MYO18A: variants seen among roughly 807,000 people sequenced by gnomAD.
MYO18A encodes the protein myosin XVIIIA.
Under a neutral mutation model 235.8 loss-of-function variants are expected in MYO18A, and 78 were observed. The observed-to-expected ratio is 0.33, with a 90% CI of 0.28 to 0.40. The LOEUF is 0.40. Among genes scored for constraint, MYO18A ranks in the 10% least tolerant of loss-of-function variants. MYO18A has a pLI of 1.00. For missense variants in MYO18A, 2,215 were observed against 2,699.3 expected (o/e 0.82, Z 3.98); for synonymous variants, 977 against 1,077.8 (o/e 0.91, Z 1.83).
At chr17:29,138,175 C>T in intron 2 of MYO18A, among the ~76,000 whole-genome samples, 1 of 152,190 alleles carries the variant, frequency 6.6e-6, no homozygotes, top group Non-Finnish European at 1.5e-5. Context: ...CAGGCAGCCC[C>T]TCAGGCCTGG....
At chr17:29,178,484 T>C (rs1021060013) in intron 1 of MYO18A, among the ~76,000 whole-genome samples, 1 of 140,490 alleles carries the variant, frequency 7.1e-6, no homozygotes, top group Non-Finnish European at 1.5e-5. Flanking sequence ...TTTCCTGGAA[T>C]TGAGGCCACA....
chr17:29,086,063 G>A (rs2066246095), intron 39 of MYO18A, among the ~76,000 whole-genome samples: 1 of 152,222 alleles, frequency 6.6e-6, no homozygotes, highest in Admixed American at 6.5e-5. Flanking sequence ...CCATTCCCCG[G>A]GTGGGTTTTA....
intron 1 of MYO18A, among the ~76,000 whole-genome samples, chr17:29,173,757 A>G (rs761758640): frequency 3.9e-5 from 6 of 152,132 alleles, no homozygotes; most frequent in Admixed American, 6.6e-5. Context: ...AGGTCAAGTC[A>G]GTGGTATCTG....
In MYO18A at chr17:29,110,447, T is replaced by C; in HGVS notation, c.3076A>G (p.Lys1026Glu). Residue 1026 changes from lysine (K) to glutamate (E), a missense_variant, in exon 18 of 42, where the codon AAG becomes GAG. Coordinates refer to ENST00000527372, the MANE Select transcript of MYO18A (RefSeq NM_078471.4). ...CGGCTGGCACTCACCACCTGTAGCT[T>C]CATCTGGATGCACAGTGACTTCTTT... Reference protein sequence around the residue: ...VKKKSLCIQMKLQVDALIDTI... With the variant: ...VKKKSLCIQMELQVDALIDTI... 1 of 1,589,228 alleles carries C rather than the reference T, an allele frequency of 6.3e-7. No homozygotes were observed. Among genetic ancestry groups the C allele is most frequent in the Non-Finnish European group, 8.6e-7 (1 of 1,168,340 alleles).
At chr17:29,083,530 G>C (rs554526283) in intron 40 of MYO18A, among the ~76,000 whole-genome samples, 1 of 140,216 alleles carries the variant, frequency 7.1e-6, no homozygotes. Context: ...GTGCGCGCGC[G>C]CGCACACACA....
At chr17:29,163,269 G>C (rs2068212087) in intron 2 of MYO18A, among the ~76,000 whole-genome samples, 1 of 152,176 alleles carries the variant, frequency 6.6e-6, no homozygotes, top group Admixed American at 6.5e-5. Context: ...TGAGGGTACA[G>C]AAGAGGTGCA....
Position 29,115,892 on chromosome 17 carries a change from GCTGATGAC to G in MYO18A, c.2051-60_2051-53del, listed in dbSNP as rs779881598. On this transcript the variant is annotated intron_variant, in intron 11 of 41. Coordinates refer to ENST00000527372, the MANE Select transcript of MYO18A (RefSeq NM_078471.4). ...ATCCTGGGTCTTTTTCCTTAGGCCA[GCTGATGAC>G]CTGATGACCAGCTGATGACTATGCA... 1.1e-4 allele frequency: 173 copies of G among 1,533,308 alleles called. 9 individuals are homozygous for G. The highest frequency in any genetic ancestry group is 6.2e-4 in the Admixed American group (29 of 46,826). 95.0% of individuals were successfully genotyped at this position (1,533,308 alleles called of 1,614,324 possible).
At chr17:29,162,376 C>T (rs2068192146) in intron 2 of MYO18A, among the ~76,000 whole-genome samples, 1 of 152,200 alleles carries the variant, frequency 6.6e-6, no homozygotes, top group African/African-American at 2.4e-5. Flanking sequence ...CCCAGCTTTC[C>T]CTTCCCACAC....
In MYO18A at chr17:29,098,433, G is replaced by T; in HGVS notation, c.3793C>A (p.Gln1265Lys). The T allele has an allele frequency of 6.2e-7, 1 of 1,613,934 alleles. No individual in the cohort carries two copies. ...GCCTTCTCGAGCTTGCTCCGCAGCT[G>T]CTGGATCTCCTCCTAGGGTGGACCA... ...QIRNKDEEIQ[Q>K]LRSKLEKAEK... Residue 1265 changes from glutamine (Q) to lysine (K), a missense_variant, in exon 24 of 42, where the codon CAG (glutamine) becomes AAG (lysine). Physicochemically the swap from Gln to Lys is moderately conservative, Grantham distance 53. Transcript: ENST00000527372.
chr17:29,130,307 A>AG (rs2067433084), intron 2 of MYO18A, among the ~76,000 whole-genome samples: 1 of 150,710 alleles, frequency 6.6e-6, no homozygotes, highest in Non-Finnish European at 1.5e-5. Context: ...CTCAAAAAAA[A>AG]AAAAAAAAAA....
At chr17:29,101,693 AC>A (rs1288652136) in intron 21 of MYO18A, among the ~76,000 whole-genome samples, 3 of 152,162 alleles carry the variant, frequency 2.0e-5, no homozygotes, top group African/African-American at 7.2e-5. Flanking sequence ...GACAGCAAAC[AC>A]GCTTGGTTAG....
chr17:29,099,594 T>C (rs1220273956), intron 22 of MYO18A, 40 bp downstream of exon 22: 2 of 1,599,626 alleles, frequency 1.3e-6, no homozygotes, highest in Non-Finnish European at 1.7e-6. Context: ...GCTGTGCCCA[T>C]CTAGGTTGGG....
At position 29,106,640 on chromosome 17, in the gene MYO18A, C is replaced by T. The variant is rs1244170994; in HGVS notation, c.3441+440G>A. Among the ~76,000 whole-genome samples the T allele has an allele frequency of 6.6e-6, 1 of 152,208 alleles. No homozygotes were observed. Among genetic ancestry groups the T allele is most frequent in the Non-Finnish European group, 1.5e-5 (1 of 68,034 alleles). On this transcript the variant is annotated intron_variant, in intron 20 of 41. Coordinates refer to ENST00000527372, the MANE Select transcript of MYO18A (RefSeq NM_078471.4). The surrounding 1 kb of genome is among the most constrained non-coding windows in gnomAD (Gnocchi z 4.6). ...TTCACCAACCAGGGCCGGCAAATGG[C>T]CCGGCAGCCTATGTTCACCTGGCAC...
At chr17:29,167,160 T>G in intron 1 of MYO18A, 139 bp from the exon 2 acceptor site, 1 of 550,856 alleles carries the variant, frequency 1.8e-6, no homozygotes, top group African/African-American at 1.9e-5. Context: ...CCCAATATTG[T>G]CTCCACTGAT....
chr17:29,103,775 C>A (rs1446036201), intron 20 of MYO18A, 111 bp from the exon 21 acceptor site: 1 of 1,017,942 alleles, frequency 9.8e-7, no homozygotes, highest in East Asian at 2.5e-5. Flanking sequence ...GTCTGTTATT[C>A]ATGCACTTGC....
chr17:29,109,116 C>T lies in MYO18A; in HGVS notation c.3331+742G>A, dbSNP rs2066865470. Reference sequence around the variant, plus strand: ...CTGCTCTTCTAGTGAAGGAGAAAAACAGCAGAAACCCAGCAACTCATAACT... The same window carrying T: ...CTGCTCTTCTAGTGAAGGAGAAAAATAGCAGAAACCCAGCAACTCATAACT... On this transcript the variant is annotated intron_variant, in intron 19 of 41. Transcript: ENST00000527372. This position sits in a 1 kb window ranked among gnomAD's most constrained non-coding sequence, Gnocchi z 4.1. Among the ~76,000 whole-genome samples the T allele has an allele frequency of 6.6e-6, 1 of 151,306 alleles. No individual in the cohort carries two copies.
At position 29,111,658 on chromosome 17, in the gene MYO18A, G is replaced by A; in HGVS notation, c.2740+64C>T. 6.2e-7 allele frequency: 1 copy of A among 1,611,256 alleles called. No homozygotes were observed. The highest frequency in any genetic ancestry group is 1.1e-5 in the South Asian group (1 of 90,996). On this transcript the variant is annotated intron_variant, in intron 16 of 41. Transcript: ENST00000527372. This position sits in a 1 kb window ranked among gnomAD's most constrained non-coding sequence, Gnocchi z 5.1. ...TGACCCCCGCCCCCTCCCAGGGAGT[G>A]CCACCTGGACCCACCTGTATGTAAG... is the stretch of plus-strand genomic sequence containing the variant.
intron 35 of MYO18A, 36 bp downstream of exon 35, chr17:29,090,774 G>A (rs200959334): frequency 1.8e-5 from 28 of 1,581,660 alleles, no homozygotes; most frequent in Admixed American, 1.2e-4. Flanking sequence ...GGATGGTGAC[G>A]GTGCAGAGTG....
At chr17:29,089,358 T>C (rs1357875449) in intron 37 of MYO18A, among the ~76,000 whole-genome samples, 1 of 125,490 alleles carries the variant, frequency 8.0e-6, no homozygotes, top group Non-Finnish European at 1.6e-5. Flanking sequence ...GAGGTGGAGG[T>C]TGCAGTGAGC....
Sources: gnomAD v4.1 joint callset for allele counts (sites outside exome capture counted in the v4.1 genomes callset) on GRCh38, gnomAD v4.1.1 for gene constraint, Gnocchi (gnomAD v3.1) non-coding constraint, MANE v1.5 for transcripts, NCBI Gene and HGNC (gene_info 2026-07-23, HGNC 2026-07-21) for gene names.